Variants in CDHR4 observed in about 807,000 individuals in gnomAD.
CDHR4 encodes the protein cadherin related family member 4.
In CDHR4, 89 loss-of-function variants were observed where a neutral mutation model predicts 88.4. The ratio of observed to expected loss-of-function variants is 1.01; its 90% confidence interval spans 0.85 to 1.20. CDHR4 has a LOEUF of 1.20. Ranked by LOEUF, CDHR4 falls within the 50% of genes most tolerant of loss-of-function variation. The pLI is 0.00. For missense variants in CDHR4, 914 were observed against 1,007.2 expected, an observed-to-expected ratio of 0.91 and a Z score of 1.25; for synonymous variants, 368 against 399.2, an observed-to-expected ratio of 0.92 and a Z score of 0.93.
chr3:49,798,237 CAG>C (rs1491172306), intron 4 of CDHR4: 2 of 137,666 alleles, frequency 1.5e-5, no homozygotes, highest in Non-Finnish European at 3.1e-5. Flanking sequence ...TTTTTGATTA[CAG>C]AAATGATACA....
At chr3:49,791,390 A>C (rs1271843203) in intron 18 of CDHR4, 51 bp downstream of exon 18, 3 of 1,515,244 alleles carry the variant, frequency 2.0e-6, no homozygotes, top group Non-Finnish European at 2.7e-6. Flanking sequence ...GGAGATACTC[A>C]GATGGGGTGA....
In CDHR4 at chr3:49,798,917, G is replaced by C. The variant is rs2081317068; in HGVS notation, c.404C>G (p.Ala135Gly). The stretch of plus-strand genomic sequence containing the variant: ...CTCTGGCACCTGAATCATTTCCCCA[G>C]CTGGCCAGAGTGGAGGTCAGGGAGG... ...IQCAGQFASP[A>G]GEMIQVPETV... Residue 135 changes from alanine to glycine, a missense_variant and splice_region_variant, in exon 4 of 19, where the codon GCT (alanine) becomes GGT (glycine). Transcript: ENST00000412678. 2 of 1,613,006 alleles carry C rather than the reference G, an allele frequency of 1.2e-6. No individual in the cohort carries two copies. The highest frequency in any genetic ancestry group is 3.3e-5 in the Admixed American group (2 of 59,938).
rs1341777930 is a variant in CDHR4, at chr3:49,795,904, C to G, written c.710+39G>C. The G allele has an allele frequency of 6.6e-7, 1 of 1,517,532 alleles. No individual in the cohort carries two copies. The highest frequency in any genetic ancestry group is 1.4e-5 in the African/African-American group (1 of 72,330). The allele number at this position is 1,517,532 out of a possible 1,614,324, so 94.0% of individuals were successfully genotyped here. ...CCCTACCTGATTCCCTGGGGCTAGG[C>G]CCTTCCTCCCTCACTGTTCCAGGGT... is the stretch of plus-strand genomic sequence containing the variant. On this transcript the variant is annotated intron_variant, in intron 6 of 18. Coordinates refer to ENST00000412678, the MANE Select transcript of CDHR4 (RefSeq NM_001007540.4). This position sits in a 1 kb window ranked among gnomAD's most constrained non-coding sequence, Gnocchi z 5.4.
chr3:49,799,309 G>A lies in CDHR4; in HGVS notation c.178C>T (p.Pro60Ser), dbSNP rs1457586681. 1.2e-6 allele frequency: 2 copies of A among 1,613,828 alleles called. No homozygotes were observed. The highest frequency in any genetic ancestry group is 1.7e-6 in the Non-Finnish European group (2 of 1,179,854). Residue 60 changes from proline (P) to serine (S), a missense_variant, in exon 2 of 19, where the codon CCA (proline) becomes TCA (serine). By Grantham distance (74) the Pro-to-Ser change is moderately conservative (BLOSUM62 -1). Transcript: ENST00000412678. ...GGTGGGTTGAAGAAGGTGGTGGGTG[G>A]CTGGACATTGAGCAACTCCAGGGTG... ...TPTLELLNVQ[P>S]PTTFFNPPSL...
Position 49,798,856 on chromosome 3 carries a change from G to T in CDHR4, c.465C>A (p.Leu155=). Residue 155 remains leucine (L), a synonymous_variant, in exon 4 of 19, where the codon CTC becomes CTA. Transcript: ENST00000412678. The part of the protein sequence containing the change: ...VTPGARLYTL[L]LPGLELHGAQ... ...CTCCGTGGAGTTCTAGGCCTGGGAG[G>T]AGCAGAGTGTACAGCCGAGCCCCAG... 1 of 1,613,924 alleles carries T rather than the reference G, an allele frequency of 6.2e-7. No individual in the cohort carries two copies. The highest frequency in any genetic ancestry group is 8.5e-7 in the Non-Finnish European group (1 of 1,179,886).
At chr3:49,792,370 T>C (rs1432723608) in intron 15 of CDHR4, 98 bp downstream of exon 15, 1 of 1,434,762 alleles carries the variant, frequency 7.0e-7, no homozygotes, top group East Asian at 2.5e-5. Flanking sequence ...CCCACCTACT[T>C]GGGCATTGTC....
At chr3:49,791,600 C>T (rs2081180765) in intron 17 of CDHR4, 114 bp downstream of exon 17, 1 of 1,475,806 alleles carries the variant, frequency 6.8e-7, no homozygotes, top group Non-Finnish European at 9.2e-7. Context: ...TGGGCATTTC[C>T]ACAAGGATAC....
intron 12 of CDHR4, 79 bp downstream of exon 12, chr3:49,793,504 G>A (rs2081215383): frequency 1.3e-6 from 2 of 1,517,420 alleles, no homozygotes; most frequent in African/African-American, 2.8e-5. Context: ...GGCACAGAGT[G>A]GAAAAGCAGA....
chr3:49,799,480 T>C, intron 1 of CDHR4, 43 bp from the exon 2 acceptor site: 1 of 1,536,082 alleles, frequency 6.5e-7, no homozygotes, highest in Non-Finnish European at 8.8e-7. Flanking sequence ...CCCAGGCTGA[T>C]GGAACCACAC....
intron 4 of CDHR4, among the ~76,000 whole-genome samples, 155 bp from the exon 5 acceptor site, chr3:49,797,187 CTCCT>C (rs1383877087): frequency 1.3e-5 from 2 of 151,492 alleles, no homozygotes; most frequent in Admixed American, 6.6e-5. Flanking sequence ...TTCCTTCTCT[CTCCT>C]TCCTTCCTTT....
Position 49,795,820 on chromosome 3 carries a change from A to G in CDHR4, c.711-56T>C, listed in dbSNP as rs2081263208. The G allele has an allele frequency of 1.3e-6, 2 of 1,546,206 alleles. No individual in the cohort carries two copies. The highest frequency in any genetic ancestry group is 1.4e-5 in the African/African-American group (1 of 73,006). On this transcript the variant is annotated intron_variant, in intron 6 of 18. Transcript: ENST00000412678. The surrounding 1 kb of genome is among the most constrained non-coding windows in gnomAD (Gnocchi z 5.4). ...CCATTCCTGCTCAACCTGTGGGTCC[A>G]CAGCTTCCTTCCCTGGGCCCCCTCC...
At chr3:49,802,430 C>T (rs1031588740), upstream of CDHR4, among the ~76,000 whole-genome samples, 2 of 152,226 alleles carry the variant, frequency 1.3e-5, no homozygotes, top group Non-Finnish European at 2.9e-5. Flanking sequence ...CCGCCTCGGC[C>T]TCCCAAACTG....
Position 49,799,055 on chromosome 3 carries a change from G to T in CDHR4, c.342C>A (p.Leu114=). ...TCGNHVMEGS[L]SVDVQRDLSH... is the part of the protein sequence containing the mutation. ...TAAGGTCCCGCTGCACATCCACAGA[G>T]AGTGAGCCCTCCATCACATGGTTGC... Residue 114 remains leucine, a synonymous_variant, in exon 3 of 19, where the codon CTC becomes CTA. Transcript: ENST00000412678. 1.3e-6 allele frequency: 2 copies of T among 1,593,704 alleles called. No individual in the cohort carries two copies. The highest frequency in any genetic ancestry group is 2.3e-5 in the East Asian group (1 of 43,840).
intron 12 of CDHR4, 132 bp downstream of exon 12, chr3:49,793,451 A>G (rs902357384): frequency 9.6e-6 from 14 of 1,456,002 alleles, no homozygotes; most frequent in African/African-American, 5.7e-5. Flanking sequence ...AGAGCTTTCA[A>G]TTAGGCCCCA....
In CDHR4 at chr3:49,792,979, CATAGGT is replaced by C; in HGVS notation, c.1864_1869del (p.Thr622_Tyr623del). On this transcript the variant is annotated inframe_deletion, in exon 14 of 19. Transcript: ENST00000412678. Reference sequence around the variant, plus strand: ...GCATCGGCCACACAGATCAGTAGCTCATAGGTACGGGGCTGCTCTGGCCAGAACGGC... The same window carrying C: ...GCATCGGCCACACAGATCAGTAGCTCACGGGGCTGCTCTGGCCAGAACGGC... 1.3e-6 allele frequency: 2 copies of C among 1,551,686 alleles called. No homozygotes were observed. Among genetic ancestry groups the C allele is most frequent in the Non-Finnish European group, 1.7e-6 (2 of 1,146,994 alleles).
intron 17 of CDHR4, 49 bp downstream of exon 17, chr3:49,791,665 C>T: frequency 6.5e-7 from 1 of 1,545,642 alleles, no homozygotes; most frequent in Non-Finnish European, 8.8e-7. Context: ...CAGGGGAGTA[C>T]TCTGAAGCAC....
At chr3:49,791,643 G>C in intron 17 of CDHR4, 71 bp downstream of exon 17, 1 of 1,517,870 alleles carries the variant, frequency 6.6e-7, no homozygotes, top group South Asian at 1.2e-5. Flanking sequence ...GGGAAAAAAG[G>C]CTTGGAGGGG....
At position 49,799,859 on chromosome 3, in the gene CDHR4, C is replaced by T; in HGVS notation, c.-47G>A. 1 of 1,607,562 alleles carries T rather than the reference C, an allele frequency of 6.2e-7. No homozygotes were observed. The highest frequency in any genetic ancestry group is 8.5e-7 in the Non-Finnish European group (1 of 1,174,612). On this transcript the variant is annotated 5_prime_UTR_variant, in exon 1 of 19. Coordinates refer to ENST00000412678, the MANE Select transcript of CDHR4 (RefSeq NM_001007540.4). ...GCAGAGGAGGCTTCAGAAAGCTAGGCTGTTTGTCTGACTCACCCTGTTGCC... is the reference window on the plus strand; with the variant it reads ...GCAGAGGAGGCTTCAGAAAGCTAGGTTGTTTGTCTGACTCACCCTGTTGCC...
At chr3:49,794,542 G>C in intron 10 of CDHR4, 66 bp downstream of exon 10, 2 of 1,294,654 alleles carry the variant, frequency 1.5e-6, no homozygotes, top group Non-Finnish European at 2.1e-6. Flanking sequence ...ACCCTGTCCT[G>C]AGCATGGGAA....
Sources: allele counts gnomAD v4.1 joint callset (sites outside exome capture counted in the v4.1 genomes callset), GRCh38; gene constraint gnomAD v4.1.1; non-coding constraint Gnocchi (gnomAD v3.1); transcripts MANE v1.5; gene names NCBI Gene and HGNC (gene_info 2026-07-23, HGNC 2026-07-21).